The following FANK1 variants were observed in gnomAD, a reference collection of about 807,000 sequenced individuals.
The protein encoded by FANK1 is fibronectin type 3 and ankyrin repeat domains protein 1.
FANK1 carries 44 observed loss-of-function variants against 45.3 expected under a neutral mutation model. That is an observed-to-expected ratio of 0.97 (90% CI 0.76 to 1.25). The LOEUF (loss-of-function observed/expected upper bound fraction) is 1.25. FANK1 is among the 50% of genes most tolerant of loss of function. FANK1 has a pLI of 0.00. For missense variants in FANK1, 391 were observed against 424.4 expected, an observed-to-expected ratio of 0.92 and a Z score of 0.69; for synonymous variants, 149 against 152.5, an observed-to-expected ratio of 0.98 and a Z score of 0.17.
chr10:125,992,859 CCTTT>C (rs1417052850), intron 3 of FANK1, among the ~76,000 whole-genome samples: 2 of 150,832 alleles, frequency 1.3e-5, no homozygotes, highest in African/African-American at 5.0e-5. Flanking sequence ...TTAGGCATCC[CCTTT>C]CTTTTTTAAC....
Position 125,898,999 on chromosome 10 carries a change from A to G in FANK1, c.13+2344A>G, listed in dbSNP as rs557986460. Among the ~76,000 whole-genome samples, 32 of 151,764 alleles carry G rather than the reference A, an allele frequency of 2.1e-4. No homozygotes were observed. The East Asian group carries it at 2.5e-3, about 12-fold the overall frequency. On this transcript the variant is annotated intron_variant, in intron 1 of 10. Coordinates refer to ENST00000368693, the MANE Select transcript of FANK1 (RefSeq NM_145235.5). The stretch of plus-strand genomic sequence containing the variant: ...ACCCTCGAACTCTTGGACTCAAGCA[A>G]TCCTCTCACCTGAGCCTCCTGGCTA...
At position 125,922,672 on chromosome 10, in the gene FANK1, G is replaced by C. The variant is rs543153583; in HGVS notation, c.13+26017G>C. Among the ~76,000 whole-genome samples the C allele has an allele frequency of 1.3e-3, 203 of 152,204 alleles. 1 individual carries two copies. Among genetic ancestry groups the C allele is most frequent in the African/African-American group, 4.7e-3 (195 of 41,546 alleles). On this transcript the variant is annotated intron_variant, in intron 1 of 10. Coordinates refer to ENST00000368693, the MANE Select transcript of FANK1 (RefSeq NM_145235.5). ...GCTGGGTCTATAGGTGTGCTGCCAT[G>C]CCCAGCTAATTTTTGTATTTTTTAT...
chr10:125,981,549 C>T (rs1951219886), intron 2 of FANK1, among the ~76,000 whole-genome samples: 2 of 151,324 alleles, frequency 1.3e-5, no homozygotes, highest in Admixed American at 6.6e-5. Flanking sequence ...CATATCATCT[C>T]TGACTTATTT....
intron 1 of FANK1, chr10:125,907,386 A>G: frequency 5.2e-6 from 3 of 575,084 alleles, no homozygotes; most frequent in Non-Finnish European, 6.6e-6. Context: ...TGTGATAGGC[A>G]GACTTCTAAG....
rs574019777 is a variant in FANK1, at chr10:125,908,740, AC to A, written c.13+12087del. On this transcript the variant is annotated intron_variant, in intron 1 of 10. Transcript: ENST00000368693. ...ACCAAACACCATCTGTTCCCCAAAA[AC>A]CTATTGAAATAAAAAATAAATTTAA... Among the ~76,000 whole-genome samples the A allele has an allele frequency of 1.6e-3, 238 of 152,158 alleles. 2 individuals are homozygous for A. The highest frequency in any genetic ancestry group is 0.012 in the South Asian group (56 of 4,818).
At chr10:125,910,225 A>G (rs1270288220) in intron 1 of FANK1, among the ~76,000 whole-genome samples, 6 of 152,288 alleles carry the variant, frequency 3.9e-5, no homozygotes, top group Admixed American at 3.9e-4. Flanking sequence ...ACATATACAT[A>G]CTTCTAATTT....
intron 1 of FANK1, among the ~76,000 whole-genome samples, chr10:125,971,403 C>G (rs1357622921): frequency 6.6e-6 from 1 of 151,790 alleles, no homozygotes; most frequent in Non-Finnish European, 1.5e-5. Flanking sequence ...CCTCCCTGAC[C>G]TCGGTGCTAT....
chr10:125,957,453 A>G (rs1949650927), intron 1 of FANK1, among the ~76,000 whole-genome samples: 1 of 151,742 alleles, frequency 6.6e-6, no homozygotes, highest in African/African-American at 2.4e-5. Flanking sequence ...AACTTCCTTT[A>G]ACATTTTGTA....
rs1474985194 is a variant in FANK1, at chr10:125,912,763, G to A, written c.13+16108G>A. Reference sequence around the variant, plus strand: ...AGCAATTCTCATGCCTCAGCCTCCCGAGTAGCTGGGATTACAGGTGCCCAC... The same window carrying A: ...AGCAATTCTCATGCCTCAGCCTCCCAAGTAGCTGGGATTACAGGTGCCCAC... On this transcript the variant is annotated intron_variant, in intron 1 of 10. Transcript: ENST00000368693. 3.3e-5 allele frequency among the ~76,000 whole-genome samples: 5 copies of A among 152,152 alleles called. No homozygotes were observed. The South Asian group carries it at 1.0e-3, about 32-fold the overall frequency.
intron 1 of FANK1, among the ~76,000 whole-genome samples, chr10:125,954,184 C>T (rs1231217245): frequency 7.2e-6 from 1 of 138,360 alleles, no homozygotes; most frequent in African/African-American, 2.6e-5. Flanking sequence ...GTGGGAAGAG[C>T]CATTGCGACA....
chr10:125,959,368 C>T (rs1027282957), intron 1 of FANK1, among the ~76,000 whole-genome samples: 1 of 143,660 alleles, frequency 7.0e-6, no homozygotes, highest in Non-Finnish European at 1.5e-5. Flanking sequence ...GAACTGAGAT[C>T]ATGCCACTGC....
intron 1 of FANK1, among the ~76,000 whole-genome samples, chr10:125,979,527 A>G (rs1951064794): frequency 1.3e-5 from 2 of 152,202 alleles, no homozygotes; most frequent in African/African-American, 4.8e-5. Flanking sequence ...GTGAACTCCA[A>G]TAGTTATGAA....
chr10:126,003,794 G>A (rs981220689), intron 6 of FANK1, among the ~76,000 whole-genome samples: 2 of 152,004 alleles, frequency 1.3e-5, no homozygotes, highest in Non-Finnish European at 2.9e-5. Context: ...TCCTGCCTCA[G>A]CCTCCTGAGT....
chr10:125,992,904 T>C (rs1247696625), intron 3 of FANK1, among the ~76,000 whole-genome samples: 1 of 152,238 alleles, frequency 6.6e-6, no homozygotes, highest in Non-Finnish European at 1.5e-5. Flanking sequence ...TTACTTATGA[T>C]GTTCATCTGT....
At chr10:125,901,832 A>G (rs1244417839) in intron 1 of FANK1, among the ~76,000 whole-genome samples, 1 of 152,248 alleles carries the variant, frequency 6.6e-6, no homozygotes, top group African/African-American at 2.4e-5. Context: ...GTTAATATTT[A>G]AAATCTAGCT....
chr10:125,967,124 A>G (rs192310996), intron 1 of FANK1, among the ~76,000 whole-genome samples: 67 of 152,260 alleles, frequency 4.4e-4, no homozygotes, highest in African/African-American at 1.6e-3. Context: ...ATTAGTTTTC[A>G]TTGCTGTCAG....
intron 1 of FANK1, chr10:125,972,843 T>G (rs1452062584): frequency 1.3e-5 from 2 of 151,740 alleles, no homozygotes. Context: ...CACCTAAGGC[T>G]TCCTTGGAGA....
At chr10:126,005,974 T>C (rs1233021973) in intron 7 of FANK1, among the ~76,000 whole-genome samples, 1 of 152,242 alleles carries the variant, frequency 6.6e-6, no homozygotes, top group Non-Finnish European at 1.5e-5. Flanking sequence ...CGTCTATAGA[T>C]ATTTGAAGAT....
At chr10:125,988,513 A>G (rs1951713699) in intron 2 of FANK1, 38 bp from the exon 3 acceptor site, 2 of 1,607,218 alleles carry the variant, frequency 1.2e-6, no homozygotes, top group African/African-American at 1.3e-5. Context: ...AGATTAAGCT[A>G]CCTGGTGTTA....
Sources: gnomAD v4.1 joint callset for allele counts (sites outside exome capture counted in the v4.1 genomes callset) on GRCh38, gnomAD v4.1.1 for gene constraint, MANE v1.5 for transcripts, NCBI Gene and HGNC (gene_info 2026-07-23, HGNC 2026-07-21) for gene names.